The following PRKD3 variants were observed in gnomAD, a reference collection of about 807,000 sequenced individuals.
PRKD3 encodes the protein protein kinase D3, also known as serine/threonine-protein kinase D3.
PRKD3 carries 47 observed loss-of-function variants against 99.2 expected under a neutral mutation model. That is an observed-to-expected ratio of 0.47 (90% CI 0.38 to 0.60). The LOEUF (loss-of-function observed/expected upper bound fraction) is 0.60. PRKD3 is among the 20% of genes least tolerant of loss of function. PRKD3 has a pLI of 0.00. For missense variants in PRKD3, 1,019 were observed against 1,088.4 expected, an observed-to-expected ratio of 0.94 and a Z score of 0.90; for synonymous variants, 392 against 355.4, an observed-to-expected ratio of 1.10 and a Z score of -1.16.
intron 6 of PRKD3, among the ~76,000 whole-genome samples, chr2:37,282,959 C>T (rs1446222666): frequency 1.3e-5 from 2 of 152,128 alleles, no homozygotes; most frequent in African/African-American, 2.4e-5. Context: ...CTTTCAATTC[C>T]TAAGAATCAG....
At chr2:37,264,657 A>T (rs922108285) in intron 14 of PRKD3, among the ~76,000 whole-genome samples, 1 of 152,140 alleles carries the variant, frequency 6.6e-6, no homozygotes, top group African/African-American at 2.4e-5. Flanking sequence ...CAGGCAGAGG[A>T]AACAGCTAAT....
In PRKD3 at chr2:37,274,700, G is replaced by A. The variant is rs781622730; in HGVS notation, c.1375-3C>T. The A allele has an allele frequency of 1.2e-6, 2 of 1,610,204 alleles. No individual in the cohort carries two copies. The highest frequency in any genetic ancestry group is 2.2e-5 in the South Asian group (2 of 90,824). On this transcript the variant is annotated splice_polypyrimidine_tract_variant and splice_region_variant and intron_variant, in intron 10 of 18. Coordinates refer to ENST00000234179, the MANE Select transcript of PRKD3 (RefSeq NM_005813.6). ...AGAATTTCTGAAAGTGGAATTTCCT[G>A]AAGTAAAAAATTAAGCATTGAAAAA...
At chr2:37,303,597 C>T (rs1671034789) in intron 2 of PRKD3, among the ~76,000 whole-genome samples, 2 of 152,058 alleles carry the variant, frequency 1.3e-5, no homozygotes, top group Admixed American at 1.3e-4. Context: ...CCAGATCCTG[C>T]ACTCGTTTGC....
chr2:37,272,641 T>C (rs1669342615), intron 11 of PRKD3, among the ~76,000 whole-genome samples: 1 of 152,122 alleles, frequency 6.6e-6, no homozygotes, highest in South Asian at 2.1e-4. Flanking sequence ...ATCTCAACAT[T>C]TAATCGATGA....
At chr2:37,276,298 TGA>T (rs1669568345) in intron 9 of PRKD3, among the ~76,000 whole-genome samples, 1 of 152,300 alleles carries the variant, frequency 6.6e-6, no homozygotes, top group East Asian at 1.9e-4. Flanking sequence ...CAGCAACGTA[TGA>T]GAGTCCCTAG....
intron 2 of PRKD3, among the ~76,000 whole-genome samples, chr2:37,296,230 G>A (rs1670668357): frequency 6.6e-6 from 1 of 152,014 alleles, no homozygotes; most frequent in Non-Finnish European, 1.5e-5. Context: ...CACACCAAGA[G>A]AAGGAAAACA....
chr2:37,303,064 G>A (rs1659853910), intron 2 of PRKD3, among the ~76,000 whole-genome samples: 1 of 152,122 alleles, frequency 6.6e-6, no homozygotes, highest in Non-Finnish European at 1.5e-5. Context: ...AAAGACCCCA[G>A]ACTCAGCCAG....
chr2:37,256,886 T>A lies in PRKD3; in HGVS notation c.2189A>T (p.Lys730Met). ...TCCTACCACAGATCTCCTGAATGACTTTTCACCAATGATGCGTGCAAATCC... is the reference window on the plus strand; with the variant it reads ...TCCTACCACAGATCTCCTGAATGACATTTCACCAATGATGCGTGCAAATCC... ...DFGFARIIGEKSFRRSVVGTP... is the reference protein window; with the variant it reads ...DFGFARIIGEMSFRRSVVGTP... The change falls in exon 17 of 19, where the codon AAG (lysine) becomes ATG (methionine). Residue 730 changes from lysine to methionine, a missense_variant. By Grantham distance (95) the Lys-to-Met change is moderately conservative (BLOSUM62 -1). Around this residue, in one of 3 missense-constraint regions of PRKD3, gnomAD observed 184 missense variants for 275.1 expected, o/e 0.67. Coordinates refer to ENST00000234179, the MANE Select transcript of PRKD3 (RefSeq NM_005813.6). The A allele has an allele frequency of 1.2e-6, 2 of 1,614,052 alleles. No individual in the cohort carries two copies. Among genetic ancestry groups the A allele is most frequent in the Non-Finnish European group, 1.7e-6 (2 of 1,180,008 alleles).
intron 10 of PRKD3, 148 bp downstream of exon 10, chr2:37,275,619 A>G (rs1669530594): frequency 2.6e-6 from 2 of 772,514 alleles, no homozygotes; most frequent in East Asian, 3.7e-5. Flanking sequence ...TATGGGAAAT[A>G]GTTGCTTCAA....
chr2:37,319,931 TCTTA>T (rs759673123), intron 1 of PRKD3, among the ~76,000 whole-genome samples: 2 of 152,198 alleles, frequency 1.3e-5, no homozygotes, highest in East Asian at 1.9e-4. Flanking sequence ...TGAGAGCACT[TCTTA>T]CTTAACCTCA....
chr2:37,308,235 G>T (rs1411109776), intron 2 of PRKD3, among the ~76,000 whole-genome samples: 6 of 151,994 alleles, frequency 3.9e-5, no homozygotes, highest in Admixed American at 3.9e-4. Flanking sequence ...TCCCAATCTT[G>T]TTGCTTTTAC....
chr2:37,290,656 T>G (rs927857735), intron 4 of PRKD3, among the ~76,000 whole-genome samples: 2 of 152,230 alleles, frequency 1.3e-5, no homozygotes, highest in Non-Finnish European at 2.9e-5. Context: ...GGGCAGAATG[T>G]ATTTTACGAG....
intron 6 of PRKD3, among the ~76,000 whole-genome samples, chr2:37,283,181 T>C (rs1162943596): frequency 2.6e-5 from 4 of 152,212 alleles, no homozygotes; most frequent in Non-Finnish European, 4.4e-5. Flanking sequence ...CCAAAATTAC[T>C]GTATAACACA....
chr2:37,279,616 G>C (rs879525237), intron 8 of PRKD3, 130 bp downstream of exon 8: 4 of 583,228 alleles, frequency 6.9e-6, no homozygotes, highest in African/African-American at 3.9e-5. Context: ...GCATGTAAAA[G>C]AATTAGCCAC....
chr2:37,256,596 A>G, intron 17 of PRKD3, 66 bp downstream of exon 17: 1 of 1,429,338 alleles, frequency 7.0e-7, no homozygotes, highest in Non-Finnish European at 9.2e-7. Context: ...TTGGGATGAG[A>G]AAGATGTTTA....
intron 6 of PRKD3, among the ~76,000 whole-genome samples, chr2:37,284,114 T>A (rs1243642687): frequency 2.0e-5 from 3 of 152,222 alleles, no homozygotes; most frequent in African/African-American, 7.2e-5. Flanking sequence ...ATTAATGAAT[T>A]CTTAGAATTG....
intron 12 of PRKD3, among the ~76,000 whole-genome samples, chr2:37,270,609 A>G (rs1558539271): frequency 2.0e-5 from 3 of 152,198 alleles, no homozygotes; most frequent in Non-Finnish European, 2.9e-5. Context: ...AAAGAAAAAC[A>G]AAGTGGAACT....
intron 2 of PRKD3, among the ~76,000 whole-genome samples, chr2:37,311,070 A>G (rs528909543): frequency 2.0e-5 from 3 of 152,158 alleles, no homozygotes; most frequent in Non-Finnish European, 4.4e-5. Flanking sequence ...AGCAGACTCT[A>G]TATGTGCATA....
chr2:37,254,423 T>A, intron 17 of PRKD3, 134 bp from the exon 18 acceptor site: 2 of 646,584 alleles, frequency 3.1e-6, no homozygotes, highest in Non-Finnish European at 5.6e-6. Flanking sequence ...ACGTGGACTT[T>A]TAGCTAACAT....
Sources: gnomAD v4.1 joint callset for allele counts (sites outside exome capture counted in the v4.1 genomes callset) on GRCh38, gnomAD v4.1.1 for gene constraint, gnomAD v4.1.1 regional missense constraint, MANE v1.5 for transcripts, NCBI Gene and HGNC (gene_info 2026-07-23, HGNC 2026-07-21) for gene names.